Variants in MANBA observed in about 807,000 individuals in gnomAD.
MANBA encodes the protein mannosidase beta.
In MANBA, 83 loss-of-function variants were observed where a neutral mutation model predicts 111.1. The ratio of observed to expected loss-of-function variants is 0.75; its 90% CI spans 0.63 to 0.90. The LOEUF (loss-of-function observed/expected upper bound fraction) is 0.90, where lower values mean the gene tolerates loss of function less well. Ranked by LOEUF, MANBA falls within the 40% of genes least tolerant of loss-of-function variation. The pLI, the probability that MANBA is intolerant of heterozygous loss-of-function variation, is 0.00. For missense variants in MANBA, 1,036 were observed against 1,069.0 expected (o/e 0.97, Z 0.43); for synonymous variants, 370 against 378.7 (o/e 0.98, Z 0.27).
chr4:102,727,365 G>T, intron 1 of MANBA: 1 of 762,076 alleles, frequency 1.3e-6, no homozygotes, highest in South Asian at 1.6e-5. Flanking sequence ...TTCTGCCTTG[G>T]ACATCTTTAC....
intron 12 of MANBA, among the ~76,000 whole-genome samples, chr4:102,652,609 G>A (rs972905897): frequency 2.0e-5 from 3 of 151,954 alleles, no homozygotes; most frequent in Non-Finnish European, 4.4e-5. Flanking sequence ...ATAAAAACCC[G>A]GCCGGATGCA....
intron 5 of MANBA, among the ~76,000 whole-genome samples, chr4:102,703,204 C>T (rs1249307048): frequency 6.6e-6 from 1 of 152,286 alleles, no homozygotes; most frequent in African/African-American, 2.4e-5. Flanking sequence ...AATCATAGCT[C>T]GCTGCAGCCT....
intron 1 of MANBA, chr4:102,727,427 T>C: frequency 1.7e-6 from 2 of 1,176,898 alleles, no homozygotes; most frequent in Admixed American, 1.7e-5. Context: ...ATGAGCTTGG[T>C]ATAGGCCAAT....
At chr4:102,755,896 G>A (rs1241724155) in intron 1 of MANBA, among the ~76,000 whole-genome samples, 1 of 152,190 alleles carries the variant, frequency 6.6e-6, no homozygotes, top group African/African-American at 2.4e-5. Flanking sequence ...CTGGCCATCA[G>A]AGAAATGCAA....
At position 102,760,721 on chromosome 4, in the gene MANBA, G is replaced by A; in HGVS notation, c.174C>T (p.Ile58=). ...VHSALFQQGL[I]QDSYYRFNDL... is the part of the protein sequence containing the mutation. ...GCGGGTCGGCCGCACGCCATACCTG[G>A]ATCAGGCCCTGCTGGAACAAGGCGC... The change falls in exon 1 of 17, where the codon ATC becomes ATT. Residue 58 remains isoleucine, a synonymous_variant. Transcript: ENST00000647097. The A allele has an allele frequency of 2.0e-6, 3 of 1,537,304 alleles. No individual in the cohort carries two copies. The highest frequency in any genetic ancestry group is 8.8e-7 in the Non-Finnish European group (1 of 1,138,786).
At chr4:102,726,529 C>T in intron 2 of MANBA, 60 bp downstream of exon 2, 1 of 915,108 alleles carries the variant, frequency 1.1e-6, no homozygotes, top group South Asian at 1.4e-5. Flanking sequence ...CATTTTTGCC[C>T]AGATAGAAAA....
At chr4:102,698,415 AC>A (rs1732842224) in intron 5 of MANBA, among the ~76,000 whole-genome samples, 1 of 149,346 alleles carries the variant, frequency 6.7e-6, no homozygotes, top group Admixed American at 6.7e-5. Context: ...GGTGTTTTAG[AC>A]ATGAAGTCCT....
chr4:102,705,701 C>T (rs1380138071), intron 5 of MANBA, among the ~76,000 whole-genome samples: 1 of 152,146 alleles, frequency 6.6e-6, no homozygotes. Flanking sequence ...GGATATCATC[C>T]TATGCCTGCC....
intron 14 of MANBA, among the ~76,000 whole-genome samples, chr4:102,636,880 T>A (rs1729655898): frequency 6.6e-6 from 1 of 152,168 alleles, no homozygotes; most frequent in Non-Finnish European, 1.5e-5. Context: ...CCTACCCAAA[T>A]CTCATCTTGA....
At chr4:102,685,343 C>T (rs1435552589) in intron 7 of MANBA, among the ~76,000 whole-genome samples, 2 of 152,116 alleles carry the variant, frequency 1.3e-5, no homozygotes, top group African/African-American at 4.8e-5. Flanking sequence ...CCAAAACTCC[C>T]TAGCTTTCTT....
intron 1 of MANBA, among the ~76,000 whole-genome samples, chr4:102,758,089 T>C (rs1724095384): frequency 6.6e-6 from 1 of 152,246 alleles, no homozygotes; most frequent in South Asian, 2.1e-4. Flanking sequence ...AATACCTATC[T>C]TGAACCACTT....
chr4:102,677,724 A>G (rs1398908579), intron 7 of MANBA, among the ~76,000 whole-genome samples: 2 of 152,186 alleles, frequency 1.3e-5, no homozygotes, highest in African/African-American at 4.8e-5. Flanking sequence ...CATATTGCAA[A>G]TTGACTGAAG....
At chr4:102,720,671 G>GC (rs1722530147) in intron 4 of MANBA, among the ~76,000 whole-genome samples, 1 of 151,872 alleles carries the variant, frequency 6.6e-6, no homozygotes, top group Non-Finnish European at 1.5e-5. Context: ...TGTGTCATTG[G>GC]AAGCCAAAGG....
intron 14 of MANBA, among the ~76,000 whole-genome samples, 159 bp downstream of exon 14, chr4:102,639,554 T>C (rs974164518): frequency 6.6e-6 from 1 of 152,088 alleles, no homozygotes; most frequent in East Asian, 1.9e-4. Flanking sequence ...CTAAGGTGAG[T>C]TGGGTGGCTG....
Position 102,671,346 on chromosome 4 carries a change from C to A in MANBA, c.1165G>T (p.Val389Phe). Residue 389 changes from valine to phenylalanine, a missense_variant, in exon 9 of 17, where the codon GTT (valine) becomes TTT (phenylalanine). Transcript: ENST00000647097. ...TGCTCATAAATTCCTCCTCCCCAAA[C>A]CCGAAGAGTATTCATATTAGCATCC... ...VVDANMNTLR[V>F]WGGGIYEQDE... 2 of 1,609,736 alleles carry A rather than the reference C, an allele frequency of 1.2e-6. No individual in the cohort carries two copies. The highest frequency in any genetic ancestry group is 1.7e-6 in the Non-Finnish European group (2 of 1,176,184).
chr4:102,677,679 G>A (rs532331863), intron 7 of MANBA, among the ~76,000 whole-genome samples: 4 of 152,236 alleles, frequency 2.6e-5, no homozygotes, highest in Admixed American at 2.6e-4. Context: ...ATCTGTGTGA[G>A]GTCAGATTTC....
At position 102,714,743 on chromosome 4, in the gene MANBA, A is replaced by G. The variant is rs545352524; in HGVS notation, c.550-182T>C. Among the ~76,000 whole-genome samples, 6 of 152,356 alleles carry G rather than the reference A, an allele frequency of 3.9e-5. No homozygotes were observed. In the East Asian group the frequency reaches 1.2e-3, roughly 29 times the overall value. The stretch of plus-strand genomic sequence containing the variant: ...ATGTATTTTCTCACAGTGAAGTCCA[A>G]GATCAAGCTATCAGCAGGTTTGGTT... On this transcript the variant is annotated intron_variant, in intron 4 of 16. Coordinates refer to ENST00000647097, the MANE Select transcript of MANBA (RefSeq NM_005908.4).
chr4:102,729,156 G>T, intron 1 of MANBA: 1 of 723,928 alleles, frequency 1.4e-6, no homozygotes, highest in Non-Finnish European at 2.6e-6. Context: ...CCCCTGTGCT[G>T]CAGACATCTG....
At chr4:102,719,803 CA>C (rs1451637179) in intron 4 of MANBA, among the ~76,000 whole-genome samples, 2 of 152,246 alleles carry the variant, frequency 1.3e-5, no homozygotes, top group African/African-American at 2.4e-5. Context: ...CAAGACTCTT[CA>C]CTTGGTCTCC....
Sources: gnomAD v4.1 joint callset for allele counts (sites outside exome capture counted in the v4.1 genomes callset) on GRCh38, gnomAD v4.1.1 for gene constraint, MANE v1.5 for transcripts, NCBI Gene and HGNC (gene_info 2026-07-23, HGNC 2026-07-21) for gene names.